KIF9: variants seen among roughly 807,000 people sequenced by gnomAD.
KIF9 encodes the protein kinesin family member 9, also known as kinesin-like protein KIF9.
KIF9 carries 68 observed loss-of-function variants against 94.8 expected under a neutral mutation model. The observed-to-expected ratio is 0.72, with a 90% CI of 0.59 to 0.88. The LOEUF (loss-of-function observed/expected upper bound fraction) is 0.88, where lower values mean the gene tolerates loss of function less well. Among genes scored for constraint, KIF9 ranks in the 40% least tolerant of loss-of-function variants. The pLI is 0.00. For synonymous variants in KIF9, 343 were observed against 362.1 expected (o/e 0.95, Z 0.60); for missense variants, 882 against 982.5 (o/e 0.90, Z 1.37).
chr3:47,258,124 A>G (rs1700738251), intron 9 of KIF9, among the ~76,000 whole-genome samples: 1 of 152,234 alleles, frequency 6.6e-6, no homozygotes, highest in African/African-American at 2.4e-5. Context: ...GTAATTTTAT[A>G]TTTTCTAGTA....
intron 16 of KIF9, among the ~76,000 whole-genome samples, chr3:47,241,832 CACATATATAAA>C (rs1699545829): frequency 1.4e-5 from 2 of 138,074 alleles, no homozygotes; most frequent in Non-Finnish European, 3.1e-5. Context: ...TATACACACA[CACATATATAAA>C]ATATATATAT....
At chr3:47,256,224 G>C (rs1468387247) in intron 10 of KIF9, among the ~76,000 whole-genome samples, 1 of 150,216 alleles carries the variant, frequency 6.7e-6, no homozygotes, top group Admixed American at 6.6e-5. Flanking sequence ...GCCGCCCATC[G>C]TCTGGGATGT....
chr3:47,270,975 C>CAAAAA (rs35244035), intron 5 of KIF9, among the ~76,000 whole-genome samples: 1 of 90,968 alleles, frequency 1.1e-5, no homozygotes, highest in African/African-American at 5.1e-5. Flanking sequence ...CTTGTCTCTA[C>CAAAAA]AAAAAAAAAA....
In KIF9 at chr3:47,267,201, G is replaced by A; in HGVS notation, c.654C>T (p.Cys218=). 6.2e-7 allele frequency: 1 copy of A among 1,613,652 alleles called. No individual in the cohort carries two copies. The highest frequency in any genetic ancestry group is 1.1e-5 in the South Asian group (1 of 91,070). The change falls in exon 6 of 21, where the codon TGC becomes TGT. Residue 218 remains cysteine (C), a synonymous_variant. Coordinates refer to ENST00000684063, the MANE Select transcript of KIF9 (RefSeq NM_182902.4). ...TMNKNSSRSH[C]IFTIYLEAHS... ...CTACCTCTAAGTAGATGGTGAAAAT[G>A]CAGTGTGATCTGGAAGAGTTTTTGT...
intron 3 of KIF9, among the ~76,000 whole-genome samples, 177 bp from the exon 4 acceptor site, chr3:47,273,835 C>T (rs1701797950): frequency 6.6e-6 from 1 of 152,160 alleles, no homozygotes; most frequent in Admixed American, 6.5e-5. Flanking sequence ...GGAACAGGGA[C>T]AAAAGTGGTC....
chr3:47,252,589 C>A (rs1235525436), intron 10 of KIF9, among the ~76,000 whole-genome samples: 2 of 151,254 alleles, frequency 1.3e-5, no homozygotes, highest in South Asian at 4.2e-4. Context: ...AAAGCAAGAC[C>A]CTGTCTAAAA....
rs1312091900 is a variant in KIF9, at chr3:47,235,624, G to A, written c.2218-7C>T. On this transcript the variant is annotated splice_region_variant and splice_polypyrimidine_tract_variant and intron_variant, in intron 19 of 20. Coordinates refer to ENST00000684063, the MANE Select transcript of KIF9 (RefSeq NM_182902.4). ...TGTCCTGGTCATCTTCTCCCTGGGG[G>A]AGGACAGTCCCTTTAGCATGGTATT... The A allele has an allele frequency of 3.1e-6, 5 of 1,607,778 alleles. No individual in the cohort carries two copies. The highest frequency in any genetic ancestry group is 3.3e-5 in the Admixed American group (2 of 59,990).
chr3:47,254,362 G>T (rs1700443399), intron 10 of KIF9, among the ~76,000 whole-genome samples: 1 of 152,216 alleles, frequency 6.6e-6, no homozygotes. Flanking sequence ...GGAGGCTGAG[G>T]CAAGAGAATA....
intron 9 of KIF9, chr3:47,263,737 G>A (rs892427742): frequency 2.0e-5 from 8 of 402,278 alleles, no homozygotes; most frequent in South Asian, 3.7e-5. Flanking sequence ...TGGGCCTCAC[G>A]TTACTTAGGA....
intron 20 of KIF9, among the ~76,000 whole-genome samples, chr3:47,229,244 T>C (rs1027059098): frequency 1.3e-5 from 2 of 152,244 alleles, no homozygotes; most frequent in African/African-American, 4.8e-5. Context: ...GGAGTCTGAA[T>C]TGAAGCTCCC....
In KIF9 at chr3:47,275,461, A is replaced by C. The variant is rs1701903969; in HGVS notation, c.123T>G (p.Ile41Met). Residue 41 changes from isoleucine to methionine, a missense_variant, in exon 3 of 21, where the codon ATT becomes ATG. Physicochemically the swap from Ile to Met is conservative, Grantham distance 10. Coordinates refer to ENST00000684063, the MANE Select transcript of KIF9 (RefSeq NM_182902.4). ...RSIDIHLKKD[I>M]RRGVVNNQQT... ...GTTGGTTATTGACAACTCCTCTCCGAATGTCTTTTTTTAAGTGAATATCAA... is the reference window on the plus strand; with the variant it reads ...GTTGGTTATTGACAACTCCTCTCCGCATGTCTTTTTTTAAGTGAATATCAA... The C allele has an allele frequency of 6.2e-7, 1 of 1,610,080 alleles. No homozygotes were observed. The highest frequency in any genetic ancestry group is 8.5e-7 in the Non-Finnish European group (1 of 1,178,832).
rs370269015 is a variant in KIF9, at chr3:47,238,969, C to T, written c.1924+1832G>A. Among the ~76,000 whole-genome samples the T allele has an allele frequency of 5.5e-4, 84 of 152,310 alleles. 1 individual carries two copies. The highest frequency in any genetic ancestry group is 2.1e-3 in the East Asian group (11 of 5,176). On this transcript the variant is annotated intron_variant, in intron 17 of 20. Transcript: ENST00000684063. ...TGAGCCACCGCGCCCAGCCGAAAAT[C>T]GGGCAGATCACCTGAGGTCGGGAGT...
At chr3:47,280,336 G>A (rs1702249053) in intron 1 of KIF9, among the ~76,000 whole-genome samples, 1 of 152,210 alleles carries the variant, frequency 6.6e-6, no homozygotes, top group African/African-American at 2.4e-5. Flanking sequence ...CCATGAAGAA[G>A]CAGGGGAGCT....
chr3:47,277,025 T>C (rs1230810954), intron 2 of KIF9: 1 of 297,148 alleles, frequency 3.4e-6, no homozygotes, highest in Non-Finnish European at 6.2e-6. Context: ...AATTCTTCTG[T>C]GTCAGATACG....
At chr3:47,240,026 GCTC>G in intron 17 of KIF9, 1 of 1,002,224 alleles carries the variant, frequency 1.0e-6, no homozygotes, top group Non-Finnish European at 1.4e-6. Flanking sequence ...CCTGGGCCCT[GCTC>G]CATCTCTCCC....
chr3:47,257,485 C>T lies in KIF9; in HGVS notation c.1057G>A (p.Glu353Lys), dbSNP rs1040407882. Reference sequence around the variant, plus strand: ...CCTGTCCACAACCCCTGCTGTACCTCAGCATCATACTTTTCATTGATGGCA... The same window carrying T: ...CCTGTCCACAACCCCTGCTGTACCTTAGCATCATACTTTTCATTGATGGCA... ...EPAINEKYDAERMVKNLEKEL... is the reference protein window; with the variant it reads ...EPAINEKYDAKRMVKNLEKEL... The change falls in exon 10 of 21, where the codon GAG (glutamate) becomes AAG (lysine). Residue 353 changes from glutamate to lysine, a missense_variant and splice_region_variant. By Grantham distance (56) the Glu-to-Lys change is moderately conservative. Coordinates refer to ENST00000684063, the MANE Select transcript of KIF9 (RefSeq NM_182902.4). 6 of 1,613,694 alleles carry T rather than the reference C, an allele frequency of 3.7e-6. No homozygotes were observed. In the African/African-American group the frequency reaches 6.7e-5, roughly 18 times the overall value.
intron 1 of KIF9, chr3:47,281,324 GCTT>G (rs1177372590): frequency 1.4e-5 from 5 of 349,624 alleles, no homozygotes; most frequent in Admixed American, 4.5e-5. Flanking sequence ...CTCACCACAC[GCTT>G]TTTTTGTTTT....
chr3:47,236,718 G>T, intron 17 of KIF9, 99 bp from the exon 18 acceptor site: 1 of 1,043,986 alleles, frequency 9.6e-7, no homozygotes. Context: ...GGCAAATCAT[G>T]AAGACAGGAG....
rs868595619 is a variant in KIF9 at position 47,243,851 on chromosome 3, T to C, written c.1515-606A>G. On this transcript the variant is annotated intron_variant, in intron 15 of 20. Transcript: ENST00000684063. ...TTCCCAAAGGTCTGAGGATAGAAAA[T>C]CTGTTTCTTCCTCTTTCCTCCTCCT... 3 of 152,226 alleles carry C rather than the reference T, an allele frequency of 2.0e-5. No individual in the cohort carries two copies. In the Middle Eastern group the frequency reaches 0.01, roughly 518 times the overall value. 9.4% of individuals were successfully genotyped at this position (152,226 alleles called of 1,614,324 possible).
Sources: gnomAD v4.1 joint callset for allele counts (sites outside exome capture counted in the v4.1 genomes callset) on GRCh38, gnomAD v4.1.1 for gene constraint, MANE v1.5 for transcripts, NCBI Gene and HGNC (gene_info 2026-07-23, HGNC 2026-07-21) for gene names.